The following KCNIP1 variants were observed in gnomAD, a reference collection of about 807,000 sequenced individuals.
KCNIP1 encodes the protein A-type potassium channel modulatory protein KCNIP1.
KCNIP1 carries 18 observed loss-of-function variants against 33.0 expected under a neutral mutation model. The ratio of observed to expected loss-of-function variants is 0.55; its 90% CI spans 0.38 to 0.81. The LOEUF is 0.81. Among genes scored for constraint, KCNIP1 ranks in the 30% least tolerant of loss-of-function variants. The probability of loss-of-function intolerance (pLI) is 0.00; values close to 1 mark genes in which losing one functional copy is unlikely to be tolerated. For missense variants in KCNIP1, 238 were observed against 271.6 expected, an observed-to-expected ratio of 0.88 and a Z score of 0.87; for synonymous variants, 93 against 98.3, an observed-to-expected ratio of 0.95 and a Z score of 0.32.
chr5:170,483,567 C>T (rs1757022478), intron 1 of KCNIP1, among the ~76,000 whole-genome samples: 1 of 152,164 alleles, frequency 6.6e-6, no homozygotes, highest in Admixed American at 6.5e-5. Context: ...CGCAAGGTTC[C>T]AGATGGTTGG....
chr5:170,357,625 G>A (rs1169003934), intron 1 of KCNIP1, among the ~76,000 whole-genome samples: 3 of 152,150 alleles, frequency 2.0e-5, no homozygotes, highest in African/African-American at 7.2e-5. Context: ...GACTTTCTGG[G>A]CTCAAGCAAT....
chr5:170,457,442 G>T (rs1756409696), intron 1 of KCNIP1, among the ~76,000 whole-genome samples: 1 of 152,150 alleles, frequency 6.6e-6, no homozygotes, highest in South Asian at 2.1e-4. Context: ...GATTGCTCCT[G>T]CAGGACCTGG....
At chr5:170,442,872 T>A (rs987972164) in intron 1 of KCNIP1, among the ~76,000 whole-genome samples, 1 of 152,182 alleles carries the variant, frequency 6.6e-6, no homozygotes, top group Non-Finnish European at 1.5e-5. Flanking sequence ...GGATGTAGAA[T>A]CCTGTGCCTT....
intron 1 of KCNIP1, among the ~76,000 whole-genome samples, chr5:170,589,260 A>G (rs1758117065): frequency 6.6e-6 from 1 of 152,028 alleles, no homozygotes; most frequent in South Asian, 2.1e-4. Context: ...CGGCCTCCCA[A>G]AGTGCTGGGA....
At chr5:170,704,633 G>C (rs914800011) in intron 1 of KCNIP1, among the ~76,000 whole-genome samples, 1 of 152,152 alleles carries the variant, frequency 6.6e-6, no homozygotes, top group African/African-American at 2.4e-5. Flanking sequence ...GGGTTGTTGT[G>C]GGGTGAATCT....
chr5:170,675,895 A>C (rs1762114165), intron 1 of KCNIP1, among the ~76,000 whole-genome samples: 1 of 152,200 alleles, frequency 6.6e-6, no homozygotes, highest in Non-Finnish European at 1.5e-5. Context: ...AATAGATGTA[A>C]AAGGTTGAAC....
At chr5:170,570,080 A>G (rs181908740) in intron 1 of KCNIP1, among the ~76,000 whole-genome samples, 76 of 152,316 alleles carry the variant, frequency 5.0e-4, no homozygotes, top group African/African-American at 1.5e-3. Flanking sequence ...ACGATGTCGT[A>G]CGTGGCAGAG....
chr5:170,518,094 G>A (rs1333959270), intron 1 of KCNIP1, among the ~76,000 whole-genome samples: 2 of 150,756 alleles, frequency 1.3e-5, no homozygotes, highest in Admixed American at 1.3e-4. Flanking sequence ...TGGTGGTAGT[G>A]ATAGTTGTGA....
chr5:170,570,842 C>T (rs4368746), intron 1 of KCNIP1, among the ~76,000 whole-genome samples: 61,218 of 151,870 alleles, frequency 0.4, 13,161 homozygotes, highest in Admixed American at 0.49. Flanking sequence ...ACCAAGTCAA[C>T]TGAAAATCAG....
At chr5:170,440,712 T>A (rs1176154750) in intron 1 of KCNIP1, among the ~76,000 whole-genome samples, 1 of 152,194 alleles carries the variant, frequency 6.6e-6, no homozygotes, top group Non-Finnish European at 1.5e-5. Flanking sequence ...CACAGATTCA[T>A]GGTGGAAACT....
At chr5:170,651,691 G>A (rs1189738185) in intron 1 of KCNIP1, among the ~76,000 whole-genome samples, 2 of 152,146 alleles carry the variant, frequency 1.3e-5, no homozygotes, top group Non-Finnish European at 2.9e-5. Flanking sequence ...ACAAATGAAT[G>A]CCTCGGACAG....
chr5:170,445,389 G>C (rs965930233), intron 1 of KCNIP1, among the ~76,000 whole-genome samples: 1 of 152,242 alleles, frequency 6.6e-6, no homozygotes, highest in African/African-American at 2.4e-5. Context: ...GGCAAGCCAA[G>C]AGAAGACTTG....
At chr5:170,627,975 G>T (rs560502577) in intron 1 of KCNIP1, among the ~76,000 whole-genome samples, 1 of 152,236 alleles carries the variant, frequency 6.6e-6, no homozygotes, top group Admixed American at 6.5e-5. Flanking sequence ...ATCCCCCAGC[G>T]CCAGGCCTGA....
chr5:170,629,401 C>T (rs973033629), intron 1 of KCNIP1, among the ~76,000 whole-genome samples: 1 of 152,230 alleles, frequency 6.6e-6, no homozygotes, highest in African/African-American at 2.4e-5. Context: ...CCAGGACCTG[C>T]TCCACCCTTA....
Position 170,527,219 on chromosome 5 carries a change from A to C in KCNIP1, c.61+22586A>C, listed in dbSNP as rs184710380. 2.2e-3 allele frequency among the ~76,000 whole-genome samples: 333 copies of C among 152,258 alleles called. 1 individual carries two copies. Among genetic ancestry groups the C allele is most frequent in the Non-Finnish European group, 4.2e-3 (286 of 68,002 alleles). On this transcript the variant is annotated intron_variant, in intron 1 of 7. Coordinates refer to ENST00000328939, the MANE Select transcript of KCNIP1 (RefSeq NM_014592.4). Reference sequence around the variant, plus strand: ...TAATATCAGAGTCCAAGCCTTATAGAGCTTCCAGGGTCTGACACATGGCAG... The same window carrying C: ...TAATATCAGAGTCCAAGCCTTATAGCGCTTCCAGGGTCTGACACATGGCAG...
chr5:170,648,638 G>T (rs1760889623), intron 1 of KCNIP1, among the ~76,000 whole-genome samples: 2 of 152,182 alleles, frequency 1.3e-5, no homozygotes, highest in South Asian at 4.1e-4. Context: ...GGAGCACAAA[G>T]GATTTTTAGG....
intron 1 of KCNIP1, among the ~76,000 whole-genome samples, chr5:170,597,298 T>A (rs538042692): frequency 1.3e-5 from 2 of 152,332 alleles, no homozygotes; most frequent in African/African-American, 4.8e-5. Flanking sequence ...ATAAAGGGAC[T>A]GACTCTCATT....
At chr5:170,623,454 C>T (rs1181637036) in intron 1 of KCNIP1, among the ~76,000 whole-genome samples, 5 of 151,980 alleles carry the variant, frequency 3.3e-5, no homozygotes, top group Non-Finnish European at 7.4e-5. Context: ...TCAAGTGATC[C>T]GCCCACCTCA....
intron 1 of KCNIP1, among the ~76,000 whole-genome samples, chr5:170,673,808 C>A (rs563049780): frequency 1.6e-4 from 24 of 152,100 alleles, no homozygotes; most frequent in Non-Finnish European, 2.9e-4. Flanking sequence ...CCAAGTTACT[C>A]CACACCCTCC....
Sources: gnomAD v4.1 joint callset for allele counts (sites outside exome capture counted in the v4.1 genomes callset) on GRCh38, gnomAD v4.1.1 for gene constraint, MANE v1.5 for transcripts, NCBI Gene and HGNC (gene_info 2026-07-23, HGNC 2026-07-21) for gene names.